The following SLC26A3 variants were observed in gnomAD, a reference collection of about 807,000 sequenced individuals.
The protein encoded by SLC26A3 is solute carrier family 26 member 3.
In SLC26A3, 64 loss-of-function variants were observed where a neutral mutation model predicts 85.6. The observed-to-expected ratio is 0.75, with a 90% CI of 0.61 to 0.92. The LOEUF (loss-of-function observed/expected upper bound fraction) is 0.92, where lower values mean the gene tolerates loss of function less well. Ranked by LOEUF, SLC26A3 falls within the 40% of genes least tolerant of loss-of-function variation. The probability of loss-of-function intolerance (pLI) is 0.00; values close to 1 mark genes in which losing one functional copy is unlikely to be tolerated. For missense variants in SLC26A3, 922 were observed against 927.3 expected, an observed-to-expected ratio of 0.99 and a Z score of 0.07; for synonymous variants, 349 against 336.0, an observed-to-expected ratio of 1.04 and a Z score of -0.42.
At chr7:107,779,002 T>A (rs1401551446) in intron 12 of SLC26A3, among the ~76,000 whole-genome samples, 2 of 151,922 alleles carry the variant, frequency 1.3e-5, no homozygotes, top group Non-Finnish European at 2.9e-5. Flanking sequence ...TAAAAAAAAA[T>A]CAGCAAATTA....
intron 19 of SLC26A3, 21 bp from the exon 20 acceptor site, chr7:107,767,665 A>T: frequency 6.2e-7 from 1 of 1,606,690 alleles, no homozygotes; most frequent in East Asian, 2.2e-5. Flanking sequence ...GAGAATGGAA[A>T]TATGGATTAG....
At chr7:107,776,380 C>G in intron 15 of SLC26A3, 72 bp downstream of exon 15, 1 of 1,256,726 alleles carries the variant, frequency 8.0e-7, no homozygotes, top group Non-Finnish European at 1.2e-6. Context: ...CAACAATGAC[C>G]TTACAGAACA....
At chr7:107,765,971 A>G in intron 20 of SLC26A3, 93 bp from the exon 21 acceptor site, 1 of 1,108,442 alleles carries the variant, frequency 9.0e-7, no homozygotes, top group South Asian at 1.3e-5. Context: ...CAGAGTTAAC[A>G]GGTTTTTTTT....
At chr7:107,778,404 T>C (rs1404676400) in intron 12 of SLC26A3, 123 bp from the exon 13 acceptor site, 2 of 649,512 alleles carry the variant, frequency 3.1e-6, no homozygotes, top group Admixed American at 2.9e-5. Flanking sequence ...CTTGTCCCTA[T>C]AAAAAAAATT....
intron 15 of SLC26A3, among the ~76,000 whole-genome samples, chr7:107,775,329 A>T (rs1463690202): frequency 2.0e-5 from 3 of 152,070 alleles, no homozygotes; most frequent in Non-Finnish European, 4.4e-5. Context: ...TAATTTTAGT[A>T]TTATATTTGA....
At chr7:107,790,595 C>A (rs1170509006) in intron 5 of SLC26A3, among the ~76,000 whole-genome samples, 1 of 152,052 alleles carries the variant, frequency 6.6e-6, no homozygotes, top group Non-Finnish European at 1.5e-5. Flanking sequence ...CAGTTTTCCC[C>A]AAAATTGACA....
chr7:107,776,229 T>A, intron 15 of SLC26A3: 1 of 565,564 alleles, frequency 1.8e-6, no homozygotes, highest in Non-Finnish European at 3.1e-6. Flanking sequence ...AAAAGGATTC[T>A]TCTATATTAG....
At chr7:107,799,723 A>G (rs1794571195) in intron 1 of SLC26A3, among the ~76,000 whole-genome samples, 3 of 152,176 alleles carry the variant, frequency 2.0e-5, no homozygotes, top group South Asian at 2.1e-4. Flanking sequence ...GGAGGAGACC[A>G]TTATTTTCCT....
chr7:107,771,133 A>T (rs1231061656), intron 18 of SLC26A3, among the ~76,000 whole-genome samples: 5 of 152,198 alleles, frequency 3.3e-5, no homozygotes, highest in African/African-American at 1.2e-4. Flanking sequence ...GGACCTGGTC[A>T]TTGACTAGAG....
chr7:107,769,526 T>C (rs930298339), intron 18 of SLC26A3, among the ~76,000 whole-genome samples: 3 of 151,980 alleles, frequency 2.0e-5, no homozygotes, highest in African/African-American at 4.8e-5. Flanking sequence ...AGCTAAATGA[T>C]GAGAACGTAT....
chr7:107,802,742 CTTT>C (rs35087147), intron 1 of SLC26A3, among the ~76,000 whole-genome samples: 46 of 110,744 alleles, frequency 4.2e-4, no homozygotes, highest in African/African-American at 1.1e-3. Context: ...TTAAAGCTTG[CTTT>C]TTTTTTTTTT....
In SLC26A3 at chr7:107,794,585, A is replaced by G. The variant is rs1794464387; in HGVS notation, c.-76T>C. 3.2e-6 allele frequency: 5 copies of G among 1,557,828 alleles called. No homozygotes were observed. The highest frequency in any genetic ancestry group is 3.5e-6 in the Non-Finnish European group (4 of 1,129,596). On this transcript the variant is annotated 5_prime_UTR_variant, in exon 2 of 21. Coordinates refer to ENST00000340010, the MANE Select transcript of SLC26A3 (RefSeq NM_000111.3). The stretch of plus-strand genomic sequence containing the variant: ...GTGAACACTTCTTCTTGCCTTTAGC[A>G]GGTTAAAAATGCCTGAAACCAAACA...
chr7:107,794,260 G>A, intron 2 of SLC26A3, 119 bp downstream of exon 2: 1 of 1,180,910 alleles, frequency 8.5e-7, no homozygotes, highest in Non-Finnish European at 1.2e-6. Flanking sequence ...GGAAACTAAA[G>A]AGGAAAGGAC....
intron 11 of SLC26A3, among the ~76,000 whole-genome samples, chr7:107,781,346 G>A (rs1252625183): frequency 6.6e-6 from 1 of 152,066 alleles, no homozygotes; most frequent in African/African-American, 2.4e-5. Context: ...ATAGTTATTT[G>A]GGTGTTTGAA....
At position 107,794,566 on chromosome 7, in the gene SLC26A3, ACTT is replaced by A. The variant is rs1389064224; in HGVS notation, c.-60_-58del. The A allele has an allele frequency of 3.9e-5, 62 of 1,603,918 alleles. No homozygotes were observed. Among genetic ancestry groups the A allele is most frequent in the African/African-American group, 6.7e-5 (5 of 74,692 alleles). Reference sequence around the variant, plus strand: ...AGACCTTTGCAACTATGTGGTGAACACTTCTTCTTGCCTTTAGCAGGTTAAAAA... The same window carrying A: ...AGACCTTTGCAACTATGTGGTGAACACTTCTTGCCTTTAGCAGGTTAAAAA... On this transcript the variant is annotated 5_prime_UTR_variant, in exon 2 of 21. Coordinates refer to ENST00000340010, the MANE Select transcript of SLC26A3 (RefSeq NM_000111.3).
chr7:107,800,890 A>G (rs1367441469), intron 1 of SLC26A3, among the ~76,000 whole-genome samples: 1 of 152,264 alleles, frequency 6.6e-6, no homozygotes, highest in Non-Finnish European at 1.5e-5. Context: ...ATGACAAAGC[A>G]GTGGGCAATA....
At chr7:107,776,326 TACTG>T (rs781002140) in intron 15 of SLC26A3, 122 bp downstream of exon 15, 1 of 814,266 alleles carries the variant, frequency 1.2e-6, no homozygotes, top group Non-Finnish European at 2.1e-6. Flanking sequence ...GGACAAAAAA[TACTG>T]ACACAACCCC....
Position 107,800,861 on chromosome 7 carries a change from G to A in SLC26A3, c.-89+2250C>T, listed in dbSNP as rs562486289. ...GTCTTGTGTTAGACTTTAAAGAACA[G>A]ATAGGTTTGGCAGGGGTGATGACAA... On this transcript the variant is annotated intron_variant, in intron 1 of 20. Transcript: ENST00000340010. 5.1e-4 allele frequency among the ~76,000 whole-genome samples: 77 copies of A among 152,348 alleles called. 2 individuals are homozygous for A. The South Asian group carries it at 0.011, about 22-fold the overall frequency.
At chr7:107,787,154 GTCTC>G in intron 7 of SLC26A3, among the ~76,000 whole-genome samples, 199 bp downstream of exon 7, 1 of 152,158 alleles carries the variant, frequency 6.6e-6, no homozygotes, top group East Asian at 1.9e-4. Flanking sequence ...CACTATCCTT[GTCTC>G]ACGTGGAAAA....
Sources: allele counts gnomAD v4.1 joint callset (sites outside exome capture counted in the v4.1 genomes callset), GRCh38; gene constraint gnomAD v4.1.1; transcripts MANE v1.5; gene names NCBI Gene and HGNC (gene_info 2026-07-23, HGNC 2026-07-21).